The following STARD3 variants were observed in gnomAD, a reference collection of about 807,000 sequenced individuals.
STARD3 encodes StAR related lipid transfer domain containing 3, also known as stAR-related lipid transfer protein 3.
STARD3 carries 39 observed loss-of-function variants against 62.0 expected under a neutral mutation model. That is an observed-to-expected ratio of 0.63 (90% CI 0.49 to 0.82). The LOEUF (loss-of-function observed/expected upper bound fraction) is 0.82. Ranked by LOEUF, STARD3 falls within the 40% of genes least tolerant of loss-of-function variation. STARD3 has a pLI of 0.00. For missense variants in STARD3, 543 were observed against 584.5 expected (o/e 0.93, Z 0.73); for synonymous variants, 229 against 242.4 (o/e 0.94, Z 0.51).
At chr17:39,646,615 AG>A (rs1406484265) in intron 1 of STARD3, among the ~76,000 whole-genome samples, 1 of 152,198 alleles carries the variant, frequency 6.6e-6, no homozygotes, top group Non-Finnish European at 1.5e-5. Flanking sequence ...GCTTTGCCCC[AG>A]AGCACACAGC....
At chr17:39,658,362 TG>T in intron 5 of STARD3, 42 bp from the exon 6 acceptor site, 1 of 1,576,198 alleles carries the variant, frequency 6.3e-7, no homozygotes, top group Non-Finnish European at 8.7e-7. Context: ...GCTCTGGGTT[TG>T]GGGTGACCCC....
intron 5 of STARD3, 178 bp from the exon 6 acceptor site, chr17:39,658,227 A>G: frequency 1.2e-6 from 1 of 826,704 alleles, no homozygotes. Flanking sequence ...AGGAATCAGA[A>G]GGTTCTTTCT....
Position 39,662,918 on chromosome 17 carries a change from C to T in STARD3, c.*10C>T. 2.5e-6 allele frequency: 4 copies of T among 1,606,088 alleles called. No homozygotes were observed. Among genetic ancestry groups the T allele is most frequent in the Non-Finnish European group, 3.4e-6 (4 of 1,176,672 alleles). ...GGGGGCCCGGGCGTGACTGTGCCCC[C>T]TCCCACCCTGCGGGCCAGGGTCCTG... On this transcript the variant is annotated 3_prime_UTR_variant, in exon 15 of 15. Coordinates refer to ENST00000336308, the MANE Select transcript of STARD3 (RefSeq NM_006804.4).
rs1275095391 is a variant in STARD3, at chr17:39,656,125, G to A, written c.220-883G>A. Reference sequence around the variant, plus strand: ...AGGAAGAGGCACATGGTGGGGCTGTGTGCTCAGTGGGGGAGCATCTGTATC... The same window carrying A: ...AGGAAGAGGCACATGGTGGGGCTGTATGCTCAGTGGGGGAGCATCTGTATC... On this transcript the variant is annotated intron_variant, in intron 2 of 14. Coordinates refer to ENST00000336308, the MANE Select transcript of STARD3 (RefSeq NM_006804.4). Among the ~76,000 whole-genome samples the A allele has an allele frequency of 2.6e-5, 4 of 152,290 alleles. No individual in the cohort carries two copies. The East Asian group carries it at 7.7e-4, about 29-fold the overall frequency.
rs138122601 is a variant in STARD3, at chr17:39,653,409, G to A, written c.-51-72G>A. On this transcript the variant is annotated intron_variant, in intron 1 of 14. Transcript: ENST00000336308. ...TAGAGACAAATGCGTTTGGGAGCCA[G>A]TGGTGGCCCTGGTGGCTGTGTGGGA... 1.4e-4 allele frequency: 150 copies of A among 1,038,112 alleles called. No homozygotes were observed. In the African/African-American group the frequency reaches 2.2e-3, roughly 15 times the overall value. The allele number at this position is 1,038,112 out of a possible 1,614,324, so 64.3% of individuals were successfully genotyped here.
At chr17:39,658,670 A>G (rs760736367) in intron 6 of STARD3, 52 bp from the exon 7 acceptor site, 7 of 1,608,862 alleles carry the variant, frequency 4.4e-6, no homozygotes, top group Non-Finnish European at 6.0e-6. Flanking sequence ...GGGGTACCCC[A>G]GGCTGCTAGG....
intron 2 of STARD3, 184 bp from the exon 3 acceptor site, chr17:39,656,824 C>T (rs1279909993): frequency 1.7e-6 from 1 of 600,624 alleles, no homozygotes; most frequent in Non-Finnish European, 2.9e-6. Flanking sequence ...GTATTGGTGC[C>T]TGAGGTCTCT....
At position 39,663,919 on chromosome 17, in the gene STARD3, C is replaced by T. The variant is rs930385506; in HGVS notation, c.*1011C>T. Among the ~76,000 whole-genome samples, 3 of 151,444 alleles carry T rather than the reference C, an allele frequency of 2.0e-5. No homozygotes were observed. Among genetic ancestry groups the T allele is most frequent in the African/African-American group, 7.4e-5 (3 of 40,782 alleles). On this transcript the variant is annotated 3_prime_UTR_variant, in exon 15 of 15. Coordinates refer to ENST00000336308, the MANE Select transcript of STARD3 (RefSeq NM_006804.4). ...ACTCCACTCACCCATTCCCTCTCCC[C>T]GCACGGCACTCACACCAGGGGCGGC... is the stretch of plus-strand genomic sequence containing the variant.
At chr17:39,659,225 C>A in intron 8 of STARD3, 119 bp downstream of exon 8, 1 of 1,306,356 alleles carries the variant, frequency 7.7e-7, no homozygotes, top group South Asian at 1.3e-5. Flanking sequence ...TCGGGCAATG[C>A]CCATCCGAGT....
At chr17:39,647,259 C>T (rs1424413848) in intron 1 of STARD3, among the ~76,000 whole-genome samples, 1 of 152,086 alleles carries the variant, frequency 6.6e-6, no homozygotes, top group Non-Finnish European at 1.5e-5. Flanking sequence ...TCACTCCCTC[C>T]CCAAGCAGTT....
At chr17:39,653,335 G>A (rs2057094897) in intron 1 of STARD3, 146 bp from the exon 2 acceptor site, 3 of 616,106 alleles carry the variant, frequency 4.9e-6, no homozygotes, top group Non-Finnish European at 8.5e-6. Flanking sequence ...CAGGCTGGTG[G>A]AGGACATTTG....
Position 39,662,977 on chromosome 17 carries a change from G to A in STARD3, c.*69G>A, listed in dbSNP as rs546448589. 187 of 1,490,674 alleles carry A rather than the reference G, an allele frequency of 1.3e-4. 2 individuals are homozygous for A. The African/African-American group carries it at 2.4e-3, about 19-fold the overall frequency. 92.3% of individuals were successfully genotyped at this position (1,490,674 alleles called of 1,614,324 possible). A position where few individuals can be genotyped will look rare whatever the true frequency, so the allele number is the denominator to read the frequency against. ...ACTTCCAGAGCCAGAAAGGGTGCCA[G>A]TTGGGCTCGCACTGCCCACATGGGA... On this transcript the variant is annotated 3_prime_UTR_variant, in exon 15 of 15. Transcript: ENST00000336308.
In STARD3 at chr17:39,653,665, C is replaced by A. The variant is rs965388051; in HGVS notation, c.134C>A (p.Ala45Asp). The A allele has an allele frequency of 6.2e-6, 10 of 1,614,078 alleles. No individual in the cohort carries two copies. The highest frequency in any genetic ancestry group is 8.5e-6 in the Non-Finnish European group (10 of 1,180,062). ...HLLPPPEKRR[A>D]ISDVRRTFCL... is the part of the protein sequence containing the mutation. ...CTTCCGCCGCCTGAGAAGCGAAGGGCCATCTCTGATGTCCGCCGCACCTTC... is the reference window on the plus strand; with the variant it reads ...CTTCCGCCGCCTGAGAAGCGAAGGGACATCTCTGATGTCCGCCGCACCTTC... The change falls in exon 2 of 15, where the codon GCC becomes GAC. Residue 45 changes from alanine (A) to aspartate (D), a missense_variant. Ala to Asp is a moderately radical substitution (Grantham distance 126). Transcript: ENST00000336308.
intron 2 of STARD3, 197 bp from the exon 3 acceptor site, chr17:39,656,811 C>T: frequency 1.7e-6 from 1 of 584,592 alleles, no homozygotes; most frequent in Non-Finnish European, 3.0e-6. Flanking sequence ...CCTTAGAGGA[C>T]TGGTATTGGT....
chr17:39,645,824 C>G (rs1264338246), intron 1 of STARD3, among the ~76,000 whole-genome samples: 1 of 151,182 alleles, frequency 6.6e-6, no homozygotes, highest in African/African-American at 2.4e-5. Flanking sequence ...AAGCGGTTAC[C>G]ATACTCCCTC....
chr17:39,655,926 C>T (rs1164191415), intron 2 of STARD3, among the ~76,000 whole-genome samples: 2 of 149,322 alleles, frequency 1.3e-5, no homozygotes, highest in Non-Finnish European at 3.0e-5. Flanking sequence ...AGCTCTGAGG[C>T]CTAGTGACTG....
At position 39,663,599 on chromosome 17, in the gene STARD3, C is replaced by A. The variant is rs1450593980; in HGVS notation, c.*691C>A. 2 of 152,194 alleles carry A rather than the reference C, an allele frequency of 1.3e-5. No individual in the cohort carries two copies. Among genetic ancestry groups the A allele is most frequent in the Non-Finnish European group, 2.9e-5 (2 of 68,086 alleles). 9.4% of individuals were successfully genotyped at this position (152,194 alleles called of 1,614,324 possible). On this transcript the variant is annotated 3_prime_UTR_variant, in exon 15 of 15. Transcript: ENST00000336308. ...TCCTGGGCTCACAGGAGGGCGGAGC[C>A]CGGGGAGCCAGTTCCTGAAACATGC... is the stretch of plus-strand genomic sequence containing the variant.
At chr17:39,650,093 C>T (rs923541498) in intron 1 of STARD3, among the ~76,000 whole-genome samples, 1 of 151,996 alleles carries the variant, frequency 6.6e-6, no homozygotes, top group Non-Finnish European at 1.5e-5. Flanking sequence ...GTGTCCCCCG[C>T]AAAAAGGATA....
chr17:39,658,466 T>G lies in STARD3; in HGVS notation c.491T>G (p.Leu164Trp). ...LPIVSFVLAW[L>W]ETWFLDFKVL... ...ATCGTCTCTTTTGTCCTCGCCTGGT[T>G]GGAGACCTGGTTCCTTGACTTCAAA... The change falls in exon 6 of 15, where the codon TTG becomes TGG. Residue 164 changes from leucine to tryptophan, a missense_variant. Physicochemically the swap from Leu to Trp is moderately conservative, Grantham distance 61 (BLOSUM62 -2). Transcript: ENST00000336308. 1 of 1,614,166 alleles carries G rather than the reference T, an allele frequency of 6.2e-7. No homozygotes were observed.
Sources: gnomAD v4.1 joint callset for allele counts (sites outside exome capture counted in the v4.1 genomes callset) on GRCh38, gnomAD v4.1.1 for gene constraint, MANE v1.5 for transcripts, NCBI Gene and HGNC (gene_info 2026-07-23, HGNC 2026-07-21) for gene names.